Variants in MBP observed in about 807,000 individuals in gnomAD.
The protein encoded by MBP is myelin basic protein.
MBP carries 16 observed loss-of-function variants against 35.8 expected under a neutral mutation model. That is an observed-to-expected ratio of 0.45 (90% CI 0.30 to 0.68). The LOEUF is 0.68. Ranked by LOEUF, MBP falls within the 30% of genes least tolerant of loss-of-function variation. MBP has a pLI of 0.08. For missense variants in MBP, 380 were observed against 404.7 expected, an observed-to-expected ratio of 0.94 and a Z score of 0.52; for synonymous variants, 143 against 159.6, an observed-to-expected ratio of 0.90 and a Z score of 0.78.
At chr18:77,025,048 C>T (rs572184309) in intron 3 of MBP, among the ~76,000 whole-genome samples, 4 of 152,266 alleles carry the variant, frequency 2.6e-5, no homozygotes, top group South Asian at 2.1e-4. Context: ...CTCTCCGAGG[C>T]GGGTGGTTTT....
intron 2 of MBP, among the ~76,000 whole-genome samples, chr18:77,081,855 TA>T (rs1483059771): frequency 0.016 from 241 of 15,240 alleles, 2 homozygotes; most frequent in East Asian, 0.046. Flanking sequence ...TATATATATA[TA>T]TTTTTTTTTT....
At chr18:76,985,551 T>C (rs1969501049) in intron 7 of MBP, 4 of 1,107,904 alleles carry the variant, frequency 3.6e-6, no homozygotes, top group African/African-American at 3.3e-5. Flanking sequence ...CCCTTGGCCA[T>C]AGCTCGGACT....
chr18:77,009,882 G>T, intron 4 of MBP: 1 of 1,595,330 alleles, frequency 6.3e-7, no homozygotes, highest in Non-Finnish European at 8.5e-7. Context: ...GCTGGCTGCG[G>T]GCATGAGAGG....
chr18:76,994,355 T>G (rs565126049), intron 4 of MBP, among the ~76,000 whole-genome samples: 6 of 152,362 alleles, frequency 3.9e-5, no homozygotes, highest in Non-Finnish European at 7.3e-5. Flanking sequence ...TCACTCATCC[T>G]GTGATTAAAC....
At chr18:77,072,329 T>C (rs535819339) in intron 2 of MBP, among the ~76,000 whole-genome samples, 2 of 152,212 alleles carry the variant, frequency 1.3e-5, no homozygotes, top group Non-Finnish European at 2.9e-5. Context: ...CCATATTCCC[T>C]GCCGTAGACA....
intron 7 of MBP, chr18:76,986,701 G>A (rs470907): frequency 0.16 from 155,413 of 985,428 alleles, 12,930 homozygotes; most frequent in East Asian, 0.36. Context: ...ATGGCAGAGG[G>A]CAGGTTGCCA....
intron 4 of MBP, among the ~76,000 whole-genome samples, chr18:76,997,801 A>G (rs1268934): frequency 0.67 from 101,793 of 150,946 alleles, 34,998 homozygotes; most frequent in Non-Finnish European, 0.74. Flanking sequence ...TCCTGCCTCA[A>G]CCTCCCGAGT....
intron 3 of MBP, among the ~76,000 whole-genome samples, chr18:77,025,112 T>C (rs1381426763): frequency 6.6e-6 from 1 of 152,184 alleles, no homozygotes; most frequent in Non-Finnish European, 1.5e-5. Flanking sequence ...TAAGGTGGGA[T>C]TGATGGAGGA....
At chr18:76,980,635 C>G in intron 8 of MBP, 164 bp from the exon 9 acceptor site, 1 of 615,096 alleles carries the variant, frequency 1.6e-6, no homozygotes, top group Non-Finnish European at 2.9e-6. Context: ...TCCATTTCTC[C>G]CGACCTCCCT....
chr18:76,998,334 TCC>T, intron 4 of MBP, among the ~76,000 whole-genome samples: 1 of 1,008 alleles, frequency 9.9e-4, no homozygotes, highest in Non-Finnish European at 3.4e-3. Flanking sequence ...CCCGTCAGAA[TCC>T]CCTTCCACCT....
rs371681299 is a variant in MBP, at chr18:77,081,920, T to C, written c.52-15535A>G. On this transcript the variant is annotated intron_variant, in intron 2 of 8. Transcript: ENST00000355994. ...AGGCTGGAGTGCAGTGGCATGATCTTGGCTCACTGCAAGCTCTGCCTCCCG... is the reference window on the plus strand; with the variant it reads ...AGGCTGGAGTGCAGTGGCATGATCTCGGCTCACTGCAAGCTCTGCCTCCCG... 5.6e-4 allele frequency among the ~76,000 whole-genome samples: 85 copies of C among 151,646 alleles called. No individual in the cohort carries two copies. The South Asian group carries it at 7.8e-3, about 14-fold the overall frequency.
intron 3 of MBP, among the ~76,000 whole-genome samples, chr18:77,045,067 G>A (rs1182835755): frequency 6.6e-6 from 1 of 152,088 alleles, no homozygotes; most frequent in Non-Finnish European, 1.5e-5. Context: ...TGATGATGGA[G>A]GCTGGTTTCT....
At chr18:77,083,565 G>A (rs761409009) in intron 2 of MBP, among the ~76,000 whole-genome samples, 5 of 152,104 alleles carry the variant, frequency 3.3e-5, no homozygotes, top group Non-Finnish European at 7.4e-5. Context: ...ATTCATGATA[G>A]CCAAAAAAGT....
At chr18:77,056,569 G>T (rs966553940) in intron 3 of MBP, among the ~76,000 whole-genome samples, 4 of 152,136 alleles carry the variant, frequency 2.6e-5, no homozygotes, top group African/African-American at 9.7e-5. Flanking sequence ...AAACATTGCT[G>T]GCCTGACTGC....
intron 2 of MBP, among the ~76,000 whole-genome samples, chr18:77,077,642 G>A (rs1014035622): frequency 6.6e-6 from 1 of 152,134 alleles, no homozygotes; most frequent in African/African-American, 2.4e-5. Flanking sequence ...ATGCTGGGCC[G>A]GCCCGGGGCG....
At chr18:77,048,195 C>T (rs1008971289) in intron 3 of MBP, among the ~76,000 whole-genome samples, 4 of 152,202 alleles carry the variant, frequency 2.6e-5, no homozygotes, top group Admixed American at 6.5e-5. Flanking sequence ...GGTGGGCAGT[C>T]GTGGTACCTG....
intron 2 of MBP, among the ~76,000 whole-genome samples, chr18:77,088,250 G>A (rs745339332): frequency 7.9e-5 from 12 of 152,316 alleles, no homozygotes; most frequent in African/African-American, 2.6e-4. Context: ...AGGGCCCCGG[G>A]CATCCCTCAG....
rs1471183087 is a variant in MBP at position 77,081,765 on chromosome 18, T to TAC, written c.52-15381_52-15380insGT. ...TCATAGCAGCATATATATATATATA[T>TAC]ATACACACACACACACACACACACA... On this transcript the variant is annotated intron_variant, in intron 2 of 8. Transcript: ENST00000355994. Among the ~76,000 whole-genome samples the TAC allele has an allele frequency of 7.7e-3, 715 of 93,192 alleles. 11 individuals are homozygous for TAC. Among genetic ancestry groups the TAC allele is most frequent in the African/African-American group, 0.024 (669 of 27,384 alleles). The allele number at this position is 93,192 out of a possible 152,430, so 61.1% of individuals were successfully genotyped here.
chr18:77,117,814 G>C (rs1163035883), intron 1 of MBP, among the ~76,000 whole-genome samples: 8 of 47,336 alleles, frequency 1.7e-4, no homozygotes, highest in African/African-American at 2.5e-4. Context: ...GGGGTCAGTG[G>C]GTTGGAGTGG....
Sources: gnomAD v4.1 joint callset for allele counts (sites outside exome capture counted in the v4.1 genomes callset) on GRCh38, gnomAD v4.1.1 for gene constraint, MANE v1.5 for transcripts, NCBI Gene and HGNC (gene_info 2026-07-23, HGNC 2026-07-21) for gene names.